Variants in TMEM117 observed in about 807,000 individuals in gnomAD.
The protein encoded by TMEM117 is transmembrane protein 117.
A neutral mutation model predicts 52.4 loss-of-function variants in TMEM117; 27 were observed. The ratio of observed to expected loss-of-function variants is 0.51; its 90% CI spans 0.38 to 0.71. TMEM117 has a LOEUF of 0.71. Ranked by LOEUF, TMEM117 falls within the 30% of genes least tolerant of loss-of-function variation. The pLI, the probability that TMEM117 is intolerant of heterozygous loss-of-function variation, is 0.00. For missense variants in TMEM117, 556 were observed against 630.5 expected (o/e 0.88, Z 1.26); for synonymous variants, 215 against 206.3 (o/e 1.04, Z -0.36).
intron 4 of TMEM117, among the ~76,000 whole-genome samples, chr12:44,183,994 T>A (rs1949241371): frequency 6.6e-6 from 1 of 152,108 alleles, no homozygotes; most frequent in African/African-American, 2.4e-5. Context: ...CCAATCTAGA[T>A]ACTGCTGGGA....
At chr12:44,189,382 A>G (rs1949322127) in intron 4 of TMEM117, among the ~76,000 whole-genome samples, 1 of 152,190 alleles carries the variant, frequency 6.6e-6, no homozygotes, top group Non-Finnish European at 1.5e-5. Context: ...ACAGTGAAAA[A>G]GAATATAAAG....
intron 5 of TMEM117, among the ~76,000 whole-genome samples, chr12:44,253,602 C>T (rs1227722068): frequency 6.6e-6 from 1 of 152,070 alleles, no homozygotes; most frequent in East Asian, 1.9e-4. Context: ...TGATTGGGTC[C>T]ATTAACTCAG....
chr12:43,833,862 G>A (rs868753006), upstream of TMEM117, among the ~76,000 whole-genome samples: 120 of 151,980 alleles, frequency 7.9e-4, no homozygotes, highest in African/African-American at 2.7e-3. Context: ...AGAGGATGAG[G>A]TGGGCAGATC....
At chr12:44,151,351 CTT>C (rs57930762) in intron 4 of TMEM117, among the ~76,000 whole-genome samples, 1 of 138,890 alleles carries the variant, frequency 7.2e-6, no homozygotes, top group Non-Finnish European at 1.6e-5. Flanking sequence ...ATGGAATTTT[CTT>C]TTTTTTTTCA....
intron 3 of TMEM117, among the ~76,000 whole-genome samples, chr12:44,062,789 A>G (rs556483983): frequency 6.6e-6 from 1 of 152,342 alleles, no homozygotes; most frequent in Non-Finnish European, 1.5e-5. Flanking sequence ...GTAGGCCAAT[A>G]CAATTCTCCC....
intron 3 of TMEM117, among the ~76,000 whole-genome samples, chr12:44,005,661 A>T (rs1228321004): frequency 6.6e-6 from 1 of 152,176 alleles, no homozygotes; most frequent in African/African-American, 2.4e-5. Context: ...CTTGCAGAGG[A>T]TTCAGACATA....
rs563141079 is a variant in TMEM117 at position 44,016,492 on chromosome 12, G to A, written c.410+72150G>A. 1.4e-4 allele frequency among the ~76,000 whole-genome samples: 22 copies of A among 152,012 alleles called. No individual in the cohort carries two copies. The Middle Eastern group carries it at 0.02, about 141-fold the overall frequency. On this transcript the variant is annotated intron_variant, in intron 3 of 7. Transcript: ENST00000266534. Reference sequence around the variant, plus strand: ...CTCTTTCTTTCTTCAGCTTTCTTCCGTCTAACTTAATTACTGTTTTGGGAT... The same window carrying A: ...CTCTTTCTTTCTTCAGCTTTCTTCCATCTAACTTAATTACTGTTTTGGGAT...
At chr12:44,016,129 C>T (rs886123777) in intron 3 of TMEM117, among the ~76,000 whole-genome samples, 4 of 152,262 alleles carry the variant, frequency 2.6e-5, no homozygotes, top group South Asian at 4.2e-4. Flanking sequence ...GGGGTTCATA[C>T]GGTTCTGCCT....
intron 5 of TMEM117, among the ~76,000 whole-genome samples, chr12:44,243,993 A>G (rs149806424): frequency 3.9e-5 from 6 of 152,066 alleles, no homozygotes; most frequent in Non-Finnish European, 8.8e-5. Context: ...ATTCTGCTGT[A>G]TGTATATACA....
At chr12:44,159,556 G>C (rs1948871871) in intron 4 of TMEM117, among the ~76,000 whole-genome samples, 1 of 152,084 alleles carries the variant, frequency 6.6e-6, no homozygotes, top group Admixed American at 6.6e-5. Flanking sequence ...TTCCTAAACA[G>C]TGTGTCCATA....
intron 5 of TMEM117, among the ~76,000 whole-genome samples, chr12:44,235,578 A>T (rs1188012734): frequency 6.6e-6 from 1 of 151,706 alleles, no homozygotes; most frequent in East Asian, 1.9e-4. Flanking sequence ...AAGAATTTTT[A>T]AAAATGTATC....
intron 6 of TMEM117, among the ~76,000 whole-genome samples, chr12:44,320,934 A>G (rs1444977602): frequency 6.6e-6 from 1 of 152,228 alleles, no homozygotes; most frequent in African/African-American, 2.4e-5. Flanking sequence ...CAGCACCTAA[A>G]CTAGTTCCTT....
At position 44,185,690 on chromosome 12, in the gene TMEM117, A is replaced by G. The variant is rs142995051; in HGVS notation, c.511-25600A>G. On this transcript the variant is annotated intron_variant, in intron 4 of 7. Transcript: ENST00000266534. ...ATATTCCAGTATTTCACCATGTGCAATGAATAGCACTGACTTAGTGGTGCT... is the reference window on the plus strand; with the variant it reads ...ATATTCCAGTATTTCACCATGTGCAGTGAATAGCACTGACTTAGTGGTGCT... Among the ~76,000 whole-genome samples the G allele has an allele frequency of 4.7e-3, 722 of 152,252 alleles. 4 individuals are homozygous for G. Among genetic ancestry groups the G allele is most frequent in the African/African-American group, 0.016 (660 of 41,546 alleles).
chr12:44,382,723 A>G (rs1216713728), intron 7 of TMEM117, among the ~76,000 whole-genome samples: 5 of 152,222 alleles, frequency 3.3e-5, no homozygotes, highest in Admixed American at 1.3e-4. Flanking sequence ...AACAATGACA[A>G]GAGAGGCACT....
At chr12:43,999,490 G>C (rs746543183) in intron 3 of TMEM117, among the ~76,000 whole-genome samples, 8 of 152,068 alleles carry the variant, frequency 5.3e-5, no homozygotes, top group Non-Finnish European at 1.0e-4. Flanking sequence ...GATGGTTTTT[G>C]TTTGTTTGAG....
chr12:44,005,811 A>T (rs554871473), intron 3 of TMEM117, among the ~76,000 whole-genome samples: 3 of 152,148 alleles, frequency 2.0e-5, no homozygotes, highest in Non-Finnish European at 4.4e-5. Flanking sequence ...TTACCATGCT[A>T]TTCTTGTGAT....
chr12:44,250,086 C>G (rs1489233840), intron 5 of TMEM117, among the ~76,000 whole-genome samples: 1 of 152,090 alleles, frequency 6.6e-6, no homozygotes, highest in African/African-American at 2.4e-5. Context: ...TTTTTGCAGT[C>G]TACCCATCTG....
chr12:44,156,753 GC>G (rs991624581), intron 4 of TMEM117, among the ~76,000 whole-genome samples: 3 of 152,052 alleles, frequency 2.0e-5, no homozygotes, highest in African/African-American at 7.2e-5. Flanking sequence ...TATACAACAA[GC>G]AGGCATGAGG....
chr12:44,119,752 G>A lies in TMEM117; in HGVS notation c.411-23773G>A, dbSNP rs1288304219. On this transcript the variant is annotated intron_variant, in intron 3 of 7. Transcript: ENST00000266534. ...CCAGGAGGTTAAGAAAAATACTGATGCATTTGCTTTTCATCAGCTTAATTA... is the reference window on the plus strand; with the variant it reads ...CCAGGAGGTTAAGAAAAATACTGATACATTTGCTTTTCATCAGCTTAATTA... Among the ~76,000 whole-genome samples, 6 of 152,178 alleles carry A rather than the reference G, an allele frequency of 3.9e-5. 1 individual carries two copies. Among genetic ancestry groups the A allele is most frequent in the Admixed American group, 3.3e-4 (5 of 15,260 alleles).
Sources: allele counts gnomAD v4.1 joint callset (sites outside exome capture counted in the v4.1 genomes callset), GRCh38; gene constraint gnomAD v4.1.1; transcripts MANE v1.5; gene names NCBI Gene and HGNC (gene_info 2026-07-23, HGNC 2026-07-21).